Variants in CARHSP1 observed in about 807,000 individuals in gnomAD.
The protein encoded by CARHSP1 is calcium regulated heat stable protein 1, also known as calcium-regulated heat-stable protein 1.
Under a neutral mutation model 12.5 loss-of-function variants are expected in CARHSP1, and 14 were observed. The observed-to-expected ratio is 1.12, with a 90% CI of 0.74 to 1.75. The LOEUF is 1.75. Among genes scored for constraint, CARHSP1 ranks in the 40% most tolerant of loss-of-function variants. CARHSP1 has a pLI of 0.00. For synonymous variants in CARHSP1, 161 were observed against 82.0 expected (o/e 1.96, Z -5.20); for missense variants, 343 against 201.6 (o/e 1.70, Z -4.25).
rs1466089112 is a variant in CARHSP1 at position 8,855,316 on chromosome 16, C to A, written c.292G>T (p.Glu98Ter). ...TCGTCGCCTTCCACTGGGACATACT[C>A]CCCTTCCACACTACGGGGGCATAAA... ...IFLHISDVEG[E>*]YVPVEGDEVT... The change falls in exon 4 of 4, where the codon GAG becomes TAG. Residue 98 changes from glutamate to a stop codon, truncating the protein, a stop_gained. Transcript: ENST00000311052. LOFTEE classifies it high-confidence loss of function. The A allele has an allele frequency of 6.2e-7, 1 of 1,602,706 alleles. No individual in the cohort carries two copies. The highest frequency in any genetic ancestry group is 8.5e-7 in the Non-Finnish European group (1 of 1,173,206).
intron 1 of CARHSP1, chr16:8,867,328 C>T (rs1247591592): frequency 6.6e-6 from 1 of 152,338 alleles, no homozygotes; most frequent in Non-Finnish European, 1.5e-5. Flanking sequence ...CCCGAGTTTC[C>T]TCATCTGTCA....
chr16:8,861,551 C>T (rs961751352), intron 1 of CARHSP1: 1 of 1,204,320 alleles, frequency 8.3e-7, no homozygotes, highest in African/African-American at 1.6e-5. Context: ...GATGCCCCAT[C>T]CCTGAAATGT....
chr16:8,867,921 G>C (rs1295509341), intron 1 of CARHSP1: 2 of 152,314 alleles, frequency 1.3e-5, no homozygotes, highest in Admixed American at 6.5e-5. Flanking sequence ...GCGTGGGGTA[G>C]ATCTAAGCGG....
chr16:8,858,916 G>A (rs2061246999), intron 2 of CARHSP1: 2 of 451,786 alleles, frequency 4.4e-6, no homozygotes, highest in South Asian at 8.6e-5. Flanking sequence ...TGTGGTTAAA[G>A]CCCAGCGATT....
intron 1 of CARHSP1, among the ~76,000 whole-genome samples, chr16:8,864,867 C>G (rs2061429135): frequency 6.6e-6 from 1 of 152,208 alleles, no homozygotes; most frequent in Non-Finnish European, 1.5e-5. Flanking sequence ...TTCTGGAGTT[C>G]AGCTGGGTAC....
chr16:8,856,136 T>G (rs1360428805), intron 3 of CARHSP1, among the ~76,000 whole-genome samples: 5 of 152,118 alleles, frequency 3.3e-5, no homozygotes, highest in African/African-American at 1.2e-4. Context: ...GAAGGTCCCT[T>G]TGGTGCATGA....
At chr16:8,861,989 C>CTTGTTTTTTTTTTTTT (rs2061369426) in intron 1 of CARHSP1, among the ~76,000 whole-genome samples, 1 of 79,772 alleles carries the variant, frequency 1.3e-5, no homozygotes, top group Non-Finnish European at 2.6e-5. Context: ...GCATAGCTGA[C>CTTGTTTTTTTTTTTTT]TTTTTTTTTT....
chr16:8,863,956 G>A (rs1040423488), intron 1 of CARHSP1, among the ~76,000 whole-genome samples: 7 of 152,152 alleles, frequency 4.6e-5, no homozygotes, highest in Non-Finnish European at 8.8e-5. Context: ...AGTGTCCCCA[G>A]CAGAAGACAG....
At chr16:8,860,922 T>C (rs1483621330) in intron 1 of CARHSP1, among the ~76,000 whole-genome samples, 1 of 151,188 alleles carries the variant, frequency 6.6e-6, no homozygotes, top group African/African-American at 2.4e-5. Context: ...TGGTGGTGGG[T>C]GCCTGTAATC....
chr16:8,866,480 C>T, intron 1 of CARHSP1: 1 of 985,428 alleles, frequency 1.0e-6, no homozygotes, highest in Non-Finnish European at 1.2e-6. Context: ...TGACCCATCC[C>T]AGTCTCCAGC....
chr16:8,866,887 C>G (rs1207639510), intron 1 of CARHSP1, among the ~76,000 whole-genome samples: 1 of 152,172 alleles, frequency 6.6e-6, no homozygotes, highest in Non-Finnish European at 1.5e-5. Context: ...CCCAGAGCCC[C>G]CTCCCAGGCC....
intron 3 of CARHSP1, 94 bp downstream of exon 3, chr16:8,858,256 C>T: frequency 7.0e-7 from 1 of 1,433,752 alleles, no homozygotes; most frequent in Non-Finnish European, 9.4e-7. Flanking sequence ...GTCCTCACAC[C>T]CAGCGCCCAT....
rs2061041296 is a variant in CARHSP1 at position 8,854,719 on chromosome 16, G to C, written c.*445C>G. On this transcript the variant is annotated 3_prime_UTR_variant, in exon 4 of 4. Transcript: ENST00000311052. ...GCAAGGGGCACTTAGGTGGAAATTT[G>C]CCTTGGAGAAGTCACGCAAGGTCCC... The C allele has an allele frequency of 6.5e-6, 1 of 154,298 alleles. No homozygotes were observed. The highest frequency in any genetic ancestry group is 1.4e-5 in the Non-Finnish European group (1 of 69,258). 9.6% of individuals were successfully genotyped at this position (154,298 alleles called of 1,614,324 possible). A position where few individuals can be genotyped will look rare whatever the true frequency, so the allele number is the denominator to read the frequency against.
At chr16:8,864,922 C>G (rs1199729034) in intron 1 of CARHSP1, among the ~76,000 whole-genome samples, 1 of 152,214 alleles carries the variant, frequency 6.6e-6, no homozygotes, top group African/African-American at 2.4e-5. Context: ...GCCCGCATGT[C>G]TGGAGACTTA....
rs1420191745 is a variant in CARHSP1 at position 8,853,636 on chromosome 16, G to A, written c.*1528C>T. 1 of 152,118 alleles carries A rather than the reference G, an allele frequency of 6.6e-6. No individual in the cohort carries two copies. Among genetic ancestry groups the A allele is most frequent in the Admixed American group, 6.6e-5 (1 of 15,266 alleles). The allele number at this position is 152,118 out of a possible 1,614,324, so 9.4% of individuals were successfully genotyped here. The stretch of plus-strand genomic sequence containing the variant: ...TCTGCCCAAAAGCCAGTTTCCAAAA[G>A]GTTTGCTTGCCTCTGTTCAGTGGAT... On this transcript the variant is annotated 3_prime_UTR_variant, in exon 4 of 4. Coordinates refer to ENST00000311052, the MANE Select transcript of CARHSP1 (RefSeq NM_014316.4).
In CARHSP1 at chr16:8,855,041, T is replaced by A. The variant is rs6899; in HGVS notation, c.*123A>T. On this transcript the variant is annotated 3_prime_UTR_variant, in exon 4 of 4. Coordinates refer to ENST00000311052, the MANE Select transcript of CARHSP1 (RefSeq NM_014316.4). ...CCATACCCCTTCCTCCAGGAGATAC[T>A]TGAGAGGGACCATGCCCGGCTGAAG... The A allele has an allele frequency of 8.0e-5, 47 of 589,324 alleles. No individual in the cohort carries two copies. Among genetic ancestry groups the A allele is most frequent in the East Asian group, 4.0e-4 (7 of 17,608 alleles). 36.5% of individuals were successfully genotyped at this position (589,324 alleles called of 1,614,324 possible).
chr16:8,858,937 C>T (rs2061247968), intron 2 of CARHSP1: 1 of 467,248 alleles, frequency 2.1e-6, no homozygotes, highest in Non-Finnish European at 3.8e-6. Flanking sequence ...CTGACCCCAG[C>T]AACTGCCCAC....
intron 1 of CARHSP1, among the ~76,000 whole-genome samples, chr16:8,864,644 CAGGAG>C (rs2061425377): frequency 6.6e-6 from 1 of 152,190 alleles, no homozygotes; most frequent in African/African-American, 2.4e-5. Context: ...GAGGCTGCAC[CAGGAG>C]GTGCCCAGCT....
chr16:8,857,273 T>TTTTTTTTG (rs2061156969), intron 3 of CARHSP1, among the ~76,000 whole-genome samples: 1 of 45,530 alleles, frequency 2.2e-5, no homozygotes, highest in South Asian at 9.1e-4. Context: ...GTTTTTTTTT[T>TTTTTTTTG]TTTTTTTTTT....
Sources: allele counts gnomAD v4.1 joint callset (sites outside exome capture counted in the v4.1 genomes callset), GRCh38; gene constraint gnomAD v4.1.1; transcripts MANE v1.5; gene names NCBI Gene and HGNC (gene_info 2026-07-23, HGNC 2026-07-21).